MSRA: variants seen among roughly 807,000 people sequenced by gnomAD.
The protein encoded by MSRA is methionine sulfoxide reductase A, also known as mitochondrial peptide methionine sulfoxide reductase.
Under a neutral mutation model 31.3 loss-of-function variants are expected in MSRA, and 54 were observed. The observed-to-expected ratio is 1.73, with a 90% CI of 1.39 to 2.17. The LOEUF is 2.17. MSRA is among the 30% of genes most tolerant of loss of function. MSRA has a pLI of 0.00. For missense variants in MSRA, 507 were observed against 300.9 expected (o/e 1.69, Z -5.07); for synonymous variants, 169 against 116.5 (o/e 1.45, Z -2.90).
Position 10,305,696 on chromosome 8 carries a change from A to G in MSRA, c.436+4058A>G, listed in dbSNP as rs114126333. 3.8e-3 allele frequency among the ~76,000 whole-genome samples: 573 copies of G among 152,286 alleles called. 3 individuals are homozygous for G. Among genetic ancestry groups the G allele is most frequent in the African/African-American group, 0.013 (548 of 41,572 alleles). ...CCAAGTGCTGGGATTACAGGCCACA[A>G]GGCATGAACCACTGTGCCTAGCCTT... On this transcript the variant is annotated intron_variant, in intron 4 of 5. Transcript: ENST00000317173.
At chr8:10,213,737 C>T (rs1809731670) in intron 2 of MSRA, among the ~76,000 whole-genome samples, 1 of 152,084 alleles carries the variant, frequency 6.6e-6, no homozygotes, top group Non-Finnish European at 1.5e-5. Flanking sequence ...TGGATGGACA[C>T]TTAGGTTGCT....
At chr8:10,161,981 C>G (rs562484117) in intron 1 of MSRA, among the ~76,000 whole-genome samples, 2 of 152,288 alleles carry the variant, frequency 1.3e-5, no homozygotes, top group East Asian at 3.9e-4. Flanking sequence ...TGGTCCTGTG[C>G]GGATCCCAGC....
At chr8:10,241,649 A>C (rs1040828663) in intron 2 of MSRA, among the ~76,000 whole-genome samples, 1 of 152,206 alleles carries the variant, frequency 6.6e-6, no homozygotes, top group African/African-American at 2.4e-5. Flanking sequence ...GCAACTCTCC[A>C]GGAATTAATA....
At chr8:10,241,616 T>C (rs1267908190) in intron 2 of MSRA, among the ~76,000 whole-genome samples, 2 of 152,110 alleles carry the variant, frequency 1.3e-5, no homozygotes, top group South Asian at 2.1e-4. Context: ...AATGAAGTGA[T>C]AGAATTAGAA....
At chr8:10,063,813 T>C (rs530563470) in intron 1 of MSRA, among the ~76,000 whole-genome samples, 2 of 152,206 alleles carry the variant, frequency 1.3e-5, no homozygotes. Context: ...GCTCCTATTA[T>C]TGATAAGCTG....
intron 3 of MSRA, among the ~76,000 whole-genome samples, chr8:10,256,618 T>A (rs1462841497): frequency 4.6e-5 from 7 of 152,134 alleles, no homozygotes; most frequent in African/African-American, 7.2e-5. Flanking sequence ...CTGAGCCACA[T>A]AAGTAAGAAG....
At chr8:10,078,226 C>T (rs1176155189) in intron 1 of MSRA, among the ~76,000 whole-genome samples, 1 of 152,222 alleles carries the variant, frequency 6.6e-6, no homozygotes, top group South Asian at 2.1e-4. Flanking sequence ...TTCTTTCCCT[C>T]TTCTTCCTCC....
chr8:10,321,850 A>T (rs1425098170), intron 5 of MSRA, among the ~76,000 whole-genome samples: 1 of 152,190 alleles, frequency 6.6e-6, no homozygotes, highest in South Asian at 2.1e-4. Flanking sequence ...CCTGCCTGAC[A>T]GTTTGATTAC....
chr8:10,067,070 C>T (rs1433892099), intron 1 of MSRA, among the ~76,000 whole-genome samples: 3 of 152,118 alleles, frequency 2.0e-5, no homozygotes, highest in Admixed American at 6.5e-5. Flanking sequence ...ATCATCCAGT[C>T]TGTGGGTTTT....
At chr8:10,221,521 CA>C (rs1488416079) in intron 2 of MSRA, among the ~76,000 whole-genome samples, 2 of 152,108 alleles carry the variant, frequency 1.3e-5, no homozygotes, top group East Asian at 3.9e-4. Flanking sequence ...TCCCCAGGGT[CA>C]GGCTACTAGT....
intron 1 of MSRA, chr8:10,096,261 G>A: frequency 3.4e-6 from 4 of 1,175,026 alleles, no homozygotes; most frequent in Non-Finnish European, 4.2e-6. Context: ...TGACAACACT[G>A]AAGACCAGAA....
At chr8:10,078,280 G>A (rs1445039170) in intron 1 of MSRA, among the ~76,000 whole-genome samples, 1 of 152,090 alleles carries the variant, frequency 6.6e-6, no homozygotes. Context: ...GTTTGCTATC[G>A]AGTGTAATAC....
chr8:10,269,085 C>T (rs560762945), intron 3 of MSRA, among the ~76,000 whole-genome samples: 8 of 152,326 alleles, frequency 5.3e-5, no homozygotes, highest in South Asian at 2.1e-4. Flanking sequence ...CCTTTATTGG[C>T]AGTTGAAAAT....
intron 3 of MSRA, among the ~76,000 whole-genome samples, chr8:10,253,953 G>A (rs190549570): frequency 9.9e-5 from 15 of 152,234 alleles, no homozygotes; most frequent in East Asian, 3.9e-4. Context: ...ACGGTTGCTC[G>A]TCATGGGAGT....
chr8:10,081,647 G>T (rs73526797), intron 1 of MSRA, among the ~76,000 whole-genome samples: 9,171 of 152,038 alleles, frequency 0.06, 900 homozygotes, highest in African/African-American at 0.21. Flanking sequence ...CCACAACGAC[G>T]CCTGACAAAT....
chr8:10,254,354 T>G (rs916730141), intron 3 of MSRA, among the ~76,000 whole-genome samples: 10 of 152,196 alleles, frequency 6.6e-5, no homozygotes, highest in Non-Finnish European at 1.5e-5. Flanking sequence ...CTCTTTTGCT[T>G]CTTCTTTCCT....
chr8:10,170,790 G>T (rs752792768), intron 1 of MSRA, among the ~76,000 whole-genome samples: 2 of 152,194 alleles, frequency 1.3e-5, no homozygotes, highest in Non-Finnish European at 2.9e-5. Context: ...CAACTATACT[G>T]TTGTTTATGA....
At chr8:10,202,610 T>C (rs1360467913) in intron 1 of MSRA, among the ~76,000 whole-genome samples, 1 of 152,220 alleles carries the variant, frequency 6.6e-6, no homozygotes, top group Non-Finnish European at 1.5e-5. Flanking sequence ...CAAGAAAGTA[T>C]GCTGTGTTTG....
chr8:10,270,834 C>A lies in MSRA; in HGVS notation c.331+25611C>A, dbSNP rs543113463. ...AAAAGAAGAGAGTTATGAAGCCAGG[C>A]TGAAGGCACTGCAGGGTGGAATTTG... is the stretch of plus-strand genomic sequence containing the variant. On this transcript the variant is annotated intron_variant, in intron 3 of 5. Coordinates refer to ENST00000317173, the MANE Select transcript of MSRA (RefSeq NM_012331.5). 3.3e-5 allele frequency among the ~76,000 whole-genome samples: 5 copies of A among 152,310 alleles called. No homozygotes were observed. The East Asian group carries it at 9.6e-4, about 29-fold the overall frequency.
Sources: allele counts gnomAD v4.1 joint callset (sites outside exome capture counted in the v4.1 genomes callset), GRCh38; gene constraint gnomAD v4.1.1; transcripts MANE v1.5; gene names NCBI Gene and HGNC (gene_info 2026-07-23, HGNC 2026-07-21).